NMNAT1: variants seen among roughly 807,000 people sequenced by gnomAD.
The protein encoded by NMNAT1 is nicotinamide nucleotide adenylyltransferase 1.
Under a neutral mutation model 16.7 loss-of-function variants are expected in NMNAT1, and 11 were observed. The observed-to-expected ratio is 0.66, with a 90% CI of 0.41 to 1.09. The LOEUF (loss-of-function observed/expected upper bound fraction) is 1.09, where lower values mean the gene tolerates loss of function less well. NMNAT1 is among the 50% of genes least tolerant of loss of function. The pLI is 0.00. For missense variants in NMNAT1, 280 were observed against 332.3 expected (o/e 0.84, Z 1.22); for synonymous variants, 110 against 119.8 (o/e 0.92, Z 0.53).
chr1:9,945,694 A>T (rs761767139), intron 1 of NMNAT1, among the ~76,000 whole-genome samples: 1 of 152,196 alleles, frequency 6.6e-6, no homozygotes, highest in Non-Finnish European at 1.5e-5. Context: ...ACTCGGTCTC[A>T]AAAAAATAAT....
chr1:9,946,654 T>C (rs1469441625), intron 1 of NMNAT1, among the ~76,000 whole-genome samples: 1 of 152,230 alleles, frequency 6.6e-6, no homozygotes, highest in African/African-American at 2.4e-5. Context: ...CATGAACTTT[T>C]AGAATCAAAG....
intron 2 of NMNAT1, 200 bp downstream of exon 2, chr1:9,972,388 C>G (rs1390965141): frequency 2.6e-6 from 1 of 381,666 alleles, no homozygotes; most frequent in Non-Finnish European, 4.8e-6. Flanking sequence ...CCTAGCTACT[C>G]GGGAGGCTGA....
chr1:9,985,306 T>C lies in NMNAT1; in HGVS notation c.*2605T>C, dbSNP rs1435584481. The C allele has an allele frequency of 6.6e-6, 1 of 152,186 alleles. No homozygotes were observed. Among genetic ancestry groups the C allele is most frequent in the Admixed American group, 6.6e-5 (1 of 15,256 alleles). The allele number at this position is 152,186 out of a possible 1,614,324, so 9.4% of individuals were successfully genotyped here. A position where few individuals can be genotyped will look rare whatever the true frequency, so the allele number is the denominator to read the frequency against. Reference sequence around the variant, plus strand: ...TTGGCTTGTGCTCCTGAGTGCCTTATATCATAAGGAAACGGCAAAATCAGG... The same window carrying C: ...TTGGCTTGTGCTCCTGAGTGCCTTACATCATAAGGAAACGGCAAAATCAGG... On this transcript the variant is annotated 3_prime_UTR_variant, in exon 5 of 5. Coordinates refer to ENST00000377205, the MANE Select transcript of NMNAT1 (RefSeq NM_022787.4).
At chr1:9,971,117 C>T (rs1198564965) in intron 1 of NMNAT1, among the ~76,000 whole-genome samples, 1 of 152,122 alleles carries the variant, frequency 6.6e-6, no homozygotes, top group Non-Finnish European at 1.5e-5. Flanking sequence ...GGTTGTCTAT[C>T]AGTGGGAGCA....
chr1:9,981,588 C>A, intron 4 of NMNAT1: 1 of 160,242 alleles, frequency 6.2e-6, no homozygotes, highest in South Asian at 1.6e-4. Context: ...CCAGGTTGGT[C>A]TTGAACTCCT....
chr1:9,968,292 T>C (rs1428818677), intron 1 of NMNAT1, among the ~76,000 whole-genome samples: 2 of 151,272 alleles, frequency 1.3e-5, no homozygotes, highest in African/African-American at 4.8e-5. Context: ...CAGGGTGGTC[T>C]CGATCTCCTG....
downstream of NMNAT1, among the ~76,000 whole-genome samples, chr1:9,989,767 TGCG>T (rs1642087924): frequency 6.6e-6 from 1 of 152,168 alleles, no homozygotes; most frequent in African/African-American, 2.4e-5. Context: ...GTACCACAAG[TGCG>T]GGTACAAAAG....
intron 1 of NMNAT1, among the ~76,000 whole-genome samples, chr1:9,945,091 A>G (rs1189150515): frequency 1.3e-5 from 2 of 152,084 alleles, no homozygotes; most frequent in African/African-American, 4.8e-5. Context: ...AAAATTAACC[A>G]GGCGTGGTGG....
chr1:9,964,584 G>C (rs529583949), intron 1 of NMNAT1, among the ~76,000 whole-genome samples: 1 of 151,892 alleles, frequency 6.6e-6, no homozygotes, highest in Non-Finnish European at 1.5e-5. Flanking sequence ...TTTTGTTTTT[G>C]TAAACCAAAA....
intron 1 of NMNAT1, among the ~76,000 whole-genome samples, chr1:9,951,073 A>AGT (rs1395729877): frequency 8.6e-5 from 13 of 151,470 alleles, no homozygotes; most frequent in Non-Finnish European, 1.6e-4. Flanking sequence ...TAAGCAACAA[A>AGT]GTGAGACTCT....
At chr1:9,947,196 C>CT (rs1288538877) in intron 1 of NMNAT1, 8 of 152,248 alleles carry the variant, frequency 5.3e-5, no homozygotes, top group Middle Eastern at 3.4e-3. Flanking sequence ...TTTCTCTTCT[C>CT]TTTTTTTTGG....
downstream of NMNAT1, among the ~76,000 whole-genome samples, chr1:9,988,425 G>C (rs1297385560): frequency 1.3e-5 from 2 of 151,670 alleles, no homozygotes; most frequent in Non-Finnish European, 2.9e-5. Flanking sequence ...CCTTGGCTGG[G>C]TGTGATGAAT....
intron 2 of NMNAT1, 147 bp from the exon 3 acceptor site, chr1:9,975,445 G>C: frequency 3.5e-6 from 2 of 563,562 alleles, no homozygotes; most frequent in Non-Finnish European, 5.9e-6. Context: ...AGGTTGCAGT[G>C]AGCCGAGATC....
rs1475639547 is a variant in NMNAT1 at position 9,985,055 on chromosome 1, A to G, written c.*2354A>G. 6.6e-6 allele frequency: 1 copy of G among 152,124 alleles called. No individual in the cohort carries two copies. Among genetic ancestry groups the G allele is most frequent in the Non-Finnish European group, 1.5e-5 (1 of 68,024 alleles). The allele number at this position is 152,124 out of a possible 1,614,324, so 9.4% of individuals were successfully genotyped here. A position where few individuals can be genotyped will look rare whatever the true frequency, so the allele number is the denominator to read the frequency against. On this transcript the variant is annotated 3_prime_UTR_variant, in exon 5 of 5. Transcript: ENST00000377205. ...CTAGAAGTCCAGAAGTTGTTATATG[A>G]TGAAATAGCCTCCTTTAACGTTTAT... is the stretch of plus-strand genomic sequence containing the variant.
At chr1:9,976,369 T>C (rs955375558) in intron 3 of NMNAT1, among the ~76,000 whole-genome samples, 2 of 152,058 alleles carry the variant, frequency 1.3e-5, no homozygotes, top group Admixed American at 6.6e-5. Flanking sequence ...CTGCCTGGGC[T>C]TTCTGTGCCC....
intron 3 of NMNAT1, 30 bp from the exon 4 acceptor site, chr1:9,981,001 G>C: frequency 6.3e-7 from 1 of 1,587,772 alleles, no homozygotes; most frequent in Non-Finnish European, 8.5e-7. Flanking sequence ...GTGAGAAAGA[G>C]AAATATTCTA....
Position 9,968,068 on chromosome 1 carries a change from G to GTTTTTTTTTTTT in NMNAT1, c.-56-3939_-56-3938insTTTTTTTTTTTT, listed in dbSNP as rs1400220756. Among the ~76,000 whole-genome samples, 40 of 63,942 alleles carry GTTTTTTTTTTTT rather than the reference G, an allele frequency of 6.3e-4. 1 individual carries two copies. The highest frequency in any genetic ancestry group is 1.4e-3 in the Admixed American group (6 of 4,188). 41.9% of individuals were successfully genotyped at this position (63,942 alleles called of 152,430 possible). ...GCATGTTTGCTATTTGCCAAATGTA[G>GTTTTTTTTTTTT]TTTTTTTTTTTGTTTTTTTTTGAGA... On this transcript the variant is annotated intron_variant, in intron 1 of 4. Coordinates refer to ENST00000377205, the MANE Select transcript of NMNAT1 (RefSeq NM_022787.4).
chr1:9,963,211 G>GT (rs1641466107), intron 1 of NMNAT1, among the ~76,000 whole-genome samples: 1 of 152,020 alleles, frequency 6.6e-6, no homozygotes, highest in Non-Finnish European at 1.5e-5. Context: ...TAGTCCTGAT[G>GT]TGCCATTCAC....
chr1:9,960,633 A>C (rs1176444227), intron 1 of NMNAT1: 1 of 152,188 alleles, frequency 6.6e-6, no homozygotes, highest in African/African-American at 2.4e-5. Context: ...TTTAAAATTA[A>C]AAGTAAATTT....
Sources: allele counts gnomAD v4.1 joint callset (sites outside exome capture counted in the v4.1 genomes callset), GRCh38; gene constraint gnomAD v4.1.1; transcripts MANE v1.5; gene names NCBI Gene and HGNC (gene_info 2026-07-23, HGNC 2026-07-21).